Variants in SHISA9 observed in about 807,000 individuals in gnomAD.
The protein encoded by SHISA9 is shisa family member 9.
A neutral mutation model predicts 38.0 loss-of-function variants in SHISA9; 13 were observed. That is an observed-to-expected ratio of 0.34 (90% CI 0.22 to 0.54). The LOEUF (loss-of-function observed/expected upper bound fraction) is 0.54. Among genes scored for constraint, SHISA9 ranks in the 20% least tolerant of loss-of-function variants. The pLI is 0.91. For synonymous variants in SHISA9, 275 were observed against 242.0 expected, an observed-to-expected ratio of 1.14 and a Z score of -1.27; for missense variants, 538 against 575.8, an observed-to-expected ratio of 0.93 and a Z score of 0.67.
intron 2 of SHISA9, among the ~76,000 whole-genome samples, chr16:12,984,803 G>T (rs1486743172): frequency 2.0e-5 from 3 of 152,146 alleles, no homozygotes; most frequent in Non-Finnish European, 2.9e-5. Flanking sequence ...CTCTTTGAAG[G>T]ATTCTGGTGG....
chr16:13,361,471 A>G, the SHISA9 span, among the ~76,000 whole-genome samples: 2 of 152,186 alleles, frequency 1.3e-5, no homozygotes, highest in African/African-American at 4.8e-5. Flanking sequence ...TGAGCATTTT[A>G]TGAGCTTTAC....
the SHISA9 span, among the ~76,000 whole-genome samples, chr16:13,424,801 A>G: frequency 9.9e-5 from 15 of 152,268 alleles, no homozygotes; most frequent in Admixed American, 9.8e-4. Flanking sequence ...GTAGACCAGA[A>G]TCAGCCTTTG....
chr16:13,453,157 G>A, the SHISA9 span, among the ~76,000 whole-genome samples: 1 of 152,008 alleles, frequency 6.6e-6, no homozygotes, highest in African/African-American at 2.4e-5. Flanking sequence ...CAAAGTGCTG[G>A]GATTACAGGT....
At chr16:13,390,854 G>T in the SHISA9 span, among the ~76,000 whole-genome samples, 1 of 152,190 alleles carries the variant, frequency 6.6e-6, no homozygotes, top group Non-Finnish European at 1.5e-5. Context: ...GGCTGTGTGT[G>T]TCTTCTCATA....
At chr16:12,913,496 C>T (rs1269762705) in intron 1 of SHISA9, among the ~76,000 whole-genome samples, 1 of 152,126 alleles carries the variant, frequency 6.6e-6, no homozygotes, top group Non-Finnish European at 1.5e-5. Context: ...TGCAACCAGC[C>T]CATTTTTGTC....
chr16:13,013,028 G>C (rs964743839), intron 2 of SHISA9, among the ~76,000 whole-genome samples: 3 of 152,008 alleles, frequency 2.0e-5, no homozygotes, highest in Non-Finnish European at 4.4e-5. Context: ...CCTGCTGCCT[G>C]TCTCTCTCTC....
intron 2 of SHISA9, among the ~76,000 whole-genome samples, chr16:13,080,944 T>C (rs1322130943): frequency 6.6e-6 from 1 of 152,192 alleles, no homozygotes; most frequent in African/African-American, 2.4e-5. Flanking sequence ...TATCCTCACA[T>C]GGCCAAGAGA....
At chr16:13,229,079 C>T (rs2051306479) in intron 4 of SHISA9, among the ~76,000 whole-genome samples, 1 of 152,178 alleles carries the variant, frequency 6.6e-6, no homozygotes, top group African/African-American at 2.4e-5. Context: ...AGAATCACTT[C>T]AGCCCAGGAG....
chr16:13,466,233 G>A, the SHISA9 span, among the ~76,000 whole-genome samples: 2 of 152,216 alleles, frequency 1.3e-5, no homozygotes, highest in Admixed American at 1.3e-4. Context: ...GCCACTTGGG[G>A]CTTCTATGCT....
the SHISA9 span, among the ~76,000 whole-genome samples, chr16:13,460,603 G>A: frequency 6.6e-6 from 1 of 152,192 alleles, no homozygotes; most frequent in South Asian, 2.1e-4. Context: ...CATATGGATG[G>A]ATAGGTTCGA....
chr16:13,058,304 G>A (rs1018470595), intron 2 of SHISA9, among the ~76,000 whole-genome samples: 2 of 151,922 alleles, frequency 1.3e-5, no homozygotes, highest in African/African-American at 4.8e-5. Flanking sequence ...CCTCTATGGG[G>A]AAGGGGTGAT....
intron 2 of SHISA9, among the ~76,000 whole-genome samples, chr16:13,005,184 A>C (rs1243929253): frequency 6.6e-6 from 1 of 152,068 alleles, no homozygotes; most frequent in Non-Finnish European, 1.5e-5. Flanking sequence ...AGTTTGAGGT[A>C]CTGTGAAGTT....
At chr16:13,260,160 G>T in the SHISA9 span, among the ~76,000 whole-genome samples, 5 of 151,332 alleles carry the variant, frequency 3.3e-5, no homozygotes, top group African/African-American at 9.7e-5. Flanking sequence ...TAGACTACAG[G>T]CACCCACCAC....
At chr16:13,132,060 G>A (rs1487859148) in intron 2 of SHISA9, among the ~76,000 whole-genome samples, 1 of 152,182 alleles carries the variant, frequency 6.6e-6, no homozygotes, top group Non-Finnish European at 1.5e-5. Flanking sequence ...ACAAGCACAG[G>A]ACAATGTGTC....
At chr16:13,524,268 G>A in the SHISA9 span, among the ~76,000 whole-genome samples, 7 of 152,070 alleles carry the variant, frequency 4.6e-5, no homozygotes, top group Admixed American at 1.3e-4. Context: ...TGGTTTCTTG[G>A]GCTGGACTCC....
intron 2 of SHISA9, among the ~76,000 whole-genome samples, chr16:13,001,513 G>A (rs946000209): frequency 6.6e-6 from 1 of 152,160 alleles, no homozygotes; most frequent in African/African-American, 2.4e-5. Flanking sequence ...AAATTGCAAT[G>A]CCCCAAACTA....
At chr16:13,420,369 C>G in the SHISA9 span, among the ~76,000 whole-genome samples, 3 of 149,910 alleles carry the variant, frequency 2.0e-5, no homozygotes, top group Non-Finnish European at 4.4e-5. Context: ...AAATATGATC[C>G]TCCCCTCACA....
chr16:12,916,029 T>TG (rs2071251953), intron 1 of SHISA9, among the ~76,000 whole-genome samples: 1 of 133,800 alleles, frequency 7.5e-6, no homozygotes, highest in African/African-American at 2.6e-5. Flanking sequence ...TTTTTTTTTT[T>TG]TGCTAAGTTT....
chr16:13,511,906 G>A, the SHISA9 span, among the ~76,000 whole-genome samples: 1 of 152,088 alleles, frequency 6.6e-6, no homozygotes, highest in African/African-American at 2.4e-5. Context: ...CTAGACACCT[G>A]AGAGTGGCAG....
Sources: allele counts gnomAD v4.1 joint callset (sites outside exome capture counted in the v4.1 genomes callset), GRCh38; gene constraint gnomAD v4.1.1; transcripts MANE v1.5; gene names NCBI Gene and HGNC (gene_info 2026-07-23, HGNC 2026-07-21).